CHL1: variants seen among roughly 807,000 people sequenced by gnomAD.
CHL1 encodes cell adhesion molecule L1 like, also known as neural cell adhesion molecule L1-like protein.
Under a neutral mutation model 141.9 loss-of-function variants are expected in CHL1, and 96 were observed. The ratio of observed to expected loss-of-function variants is 0.68; its 90% CI spans 0.57 to 0.80. The LOEUF (loss-of-function observed/expected upper bound fraction) is 0.80, where lower values mean the gene tolerates loss of function less well. CHL1 is among the 30% of genes least tolerant of loss of function. The pLI is 0.00. For synonymous variants in CHL1, 613 were observed against 502.2 expected, an observed-to-expected ratio of 1.22 and a Z score of -2.95; for missense variants, 1,820 against 1,457.2, an observed-to-expected ratio of 1.25 and a Z score of -4.05.
chr3:280,343 T>A (rs1196751699), intron 2 of CHL1, among the ~76,000 whole-genome samples: 3 of 152,098 alleles, frequency 2.0e-5, no homozygotes, highest in Non-Finnish European at 4.4e-5. Flanking sequence ...TAACAAAGTA[T>A]GTCAAGAAAA....
chr3:223,962 A>G (rs371479292), intron 1 of CHL1, among the ~76,000 whole-genome samples: 201 of 152,298 alleles, frequency 1.3e-3, no homozygotes, highest in African/African-American at 4.6e-3. Context: ...GCCTGCCCAA[A>G]TGCAAGAGTC....
chr3:368,783 A>C (rs1040280870), intron 15 of CHL1, among the ~76,000 whole-genome samples: 1 of 152,084 alleles, frequency 6.6e-6, no homozygotes, highest in African/African-American at 2.4e-5. Flanking sequence ...ATGTGTAAGG[A>C]AGGGGTTTAC....
In CHL1 at chr3:399,160, T is replaced by C; in HGVS notation, c.3385+12T>C. On this transcript the variant is annotated intron_variant, in intron 26 of 27. Coordinates refer to ENST00000256509, the MANE Select transcript of CHL1 (RefSeq NM_006614.4). Reference sequence around the variant, plus strand: ...TGGAAAGTACTCAGGTAAAATTGTTTCTTAATGTGATTTTCAACTTATTAA... The same window carrying C: ...TGGAAAGTACTCAGGTAAAATTGTTCCTTAATGTGATTTTCAACTTATTAA... The C allele has an allele frequency of 6.2e-7, 1 of 1,600,730 alleles. No individual in the cohort carries two copies. The highest frequency in any genetic ancestry group is 8.5e-7 in the Non-Finnish European group (1 of 1,169,886).
At chr3:323,469 T>C (rs1246472084) in intron 3 of CHL1, among the ~76,000 whole-genome samples, 1 of 152,090 alleles carries the variant, frequency 6.6e-6, no homozygotes, top group East Asian at 1.9e-4. Context: ...CATTTGTAGA[T>C]TAAAAAAAGT....
At chr3:260,702 C>G (rs1694639883) in intron 2 of CHL1, among the ~76,000 whole-genome samples, 1 of 152,124 alleles carries the variant, frequency 6.6e-6, no homozygotes, top group Admixed American at 6.5e-5. Flanking sequence ...AAATGCTAAT[C>G]TTTGAAGTTA....
At chr3:366,313 A>G (rs891632436) in intron 15 of CHL1, among the ~76,000 whole-genome samples, 198 bp downstream of exon 15, 38 of 152,042 alleles carry the variant, frequency 2.5e-4, no homozygotes, top group Admixed American at 2.4e-3. Context: ...TCCACTAAAA[A>G]TACAAAAATT....
intron 5 of CHL1, among the ~76,000 whole-genome samples, chr3:337,843 G>A (rs1422863866): frequency 6.6e-6 from 1 of 152,156 alleles, no homozygotes; most frequent in Non-Finnish European, 1.5e-5. Context: ...ATGTGTGCAT[G>A]TGTCTTCATA....
chr3:245,139 G>C (rs967686707), intron 2 of CHL1, among the ~76,000 whole-genome samples: 1 of 152,154 alleles, frequency 6.6e-6, no homozygotes, highest in South Asian at 2.1e-4. Context: ...ACGACTTACA[G>C]CTTCAGTCAC....
chr3:224,736 C>A (rs753164082), intron 1 of CHL1, among the ~76,000 whole-genome samples: 12 of 152,188 alleles, frequency 7.9e-5, no homozygotes, highest in Non-Finnish European at 1.5e-4. Flanking sequence ...TATAGCAATG[C>A]AAGAATGGCC....
chr3:346,948 A>T (rs1702819644), intron 9 of CHL1, among the ~76,000 whole-genome samples: 1 of 152,178 alleles, frequency 6.6e-6, no homozygotes, highest in African/African-American at 2.4e-5. Context: ...ATAAAGTAAA[A>T]TGATTATCTA....
intron 1 of CHL1, among the ~76,000 whole-genome samples, chr3:207,199 A>G (rs1157572469): frequency 6.6e-6 from 1 of 152,240 alleles, no homozygotes; most frequent in Non-Finnish European, 1.5e-5. Context: ...AGATATGCAT[A>G]ATATAAATAG....
In CHL1 at chr3:298,689, G is replaced by C. The variant is rs559786323; in HGVS notation, c.-94-20994G>C. ...CTCATGTTTAATAGGAGATTTGACTGGGCTACCTTGTTTATTTCCAGGGAG... is the reference window on the plus strand; with the variant it reads ...CTCATGTTTAATAGGAGATTTGACTCGGCTACCTTGTTTATTTCCAGGGAG... On this transcript the variant is annotated intron_variant, in intron 2 of 27. Coordinates refer to ENST00000256509, the MANE Select transcript of CHL1 (RefSeq NM_006614.4). 1.6e-3 allele frequency among the ~76,000 whole-genome samples: 250 copies of C among 152,236 alleles called. 1 individual carries two copies. Among genetic ancestry groups the C allele is most frequent in the African/African-American group, 5.5e-3 (230 of 41,542 alleles).
At chr3:281,066 G>T (rs562624689) in intron 2 of CHL1, among the ~76,000 whole-genome samples, 1 of 152,178 alleles carries the variant, frequency 6.6e-6, no homozygotes, top group South Asian at 2.1e-4. Context: ...TTTTTTGGTA[G>T]TAATGACTTG....
At chr3:281,906 A>C (rs1489538510) in intron 2 of CHL1, among the ~76,000 whole-genome samples, 1 of 152,144 alleles carries the variant, frequency 6.6e-6, no homozygotes, top group Admixed American at 6.6e-5. Flanking sequence ...AATACCTTTG[A>C]ATATACAGTT....
intron 11 of CHL1, among the ~76,000 whole-genome samples, chr3:356,304 T>A (rs1483169389): frequency 6.6e-6 from 1 of 152,248 alleles, no homozygotes; most frequent in Non-Finnish European, 1.5e-5. Context: ...ATTTGGATGG[T>A]ATTTGGCTGT....
In CHL1 at chr3:366,000, C is replaced by T; in HGVS notation, c.1636C>T (p.His546Tyr). ...TAAGAATCCTCGTATCCCCAAATTG[C>T]ATATGCTTGAATTACATTGTGAAAG... Reference protein sequence around the residue: ...SPKNPRIPKLHMLELHCESKC... With the variant: ...SPKNPRIPKLYMLELHCESKC... Residue 546 changes from histidine (H) to tyrosine (Y), a missense_variant, in exon 15 of 28, where the codon CAT (histidine) becomes TAT (tyrosine). By Grantham distance (83) the His-to-Tyr change is moderately conservative. Coordinates refer to ENST00000256509, the MANE Select transcript of CHL1 (RefSeq NM_006614.4). 1 of 1,613,440 alleles carries T rather than the reference C, an allele frequency of 6.2e-7. No individual in the cohort carries two copies. The highest frequency in any genetic ancestry group is 8.5e-7 in the Non-Finnish European group (1 of 1,179,474).
intron 1 of CHL1, among the ~76,000 whole-genome samples, chr3:200,225 T>C (rs1193946009): frequency 6.6e-6 from 1 of 152,230 alleles, no homozygotes; most frequent in African/African-American, 2.4e-5. Flanking sequence ...AATTAGCTTT[T>C]CACCATTTTC....
intron 2 of CHL1, among the ~76,000 whole-genome samples, chr3:251,408 C>T (rs1191730727): frequency 6.6e-6 from 1 of 152,124 alleles, no homozygotes. Context: ...CCTCTCTGAA[C>T]CTGAGGCTGC....
chr3:365,525 G>A (rs527634629), intron 14 of CHL1, among the ~76,000 whole-genome samples: 1 of 152,076 alleles, frequency 6.6e-6, no homozygotes, highest in Admixed American at 6.6e-5. Flanking sequence ...CCATTCATGG[G>A]CTTAAACATT....
Sources: allele counts gnomAD v4.1 joint callset (sites outside exome capture counted in the v4.1 genomes callset), GRCh38; gene constraint gnomAD v4.1.1; transcripts MANE v1.5; gene names NCBI Gene and HGNC (gene_info 2026-07-23, HGNC 2026-07-21).